Variants in CUX1 observed in about 807,000 individuals in gnomAD.
CUX1 encodes protein CASP.
Under a neutral mutation model 158.8 loss-of-function variants are expected in CUX1, and 31 were observed. The ratio of observed to expected loss-of-function variants is 0.20; its 90% CI spans 0.15 to 0.26. CUX1 has a LOEUF of 0.26. Ranked by LOEUF, CUX1 falls within the 10% of genes least tolerant of loss-of-function variation. CUX1 has a pLI of 1.00. For missense variants in CUX1, 1,589 were observed against 2,014.6 expected, an observed-to-expected ratio of 0.79 and a Z score of 4.04; for synonymous variants, 879 against 862.1, an observed-to-expected ratio of 1.02 and a Z score of -0.34.
At chr7:101,961,094 TG>T (rs1363631496) in intron 2 of CUX1, 2 of 151,896 alleles carry the variant, frequency 1.3e-5, no homozygotes, top group Non-Finnish European at 2.9e-5. Flanking sequence ...ATTTGGAGAG[TG>T]TAAGATACTA....
intron 2 of CUX1, among the ~76,000 whole-genome samples, chr7:101,989,931 CT>C (rs1249429945): frequency 1.3e-5 from 2 of 152,254 alleles, no homozygotes; most frequent in African/African-American, 4.8e-5. Flanking sequence ...GCAGGTGCAG[CT>C]TTTGCTGTGG....
In CUX1 at chr7:102,189,683, G is replaced by A. The variant is rs782421265; in HGVS notation, c.1018-130G>A. The A allele has an allele frequency of 1.7e-4, 163 of 948,154 alleles. No individual in the cohort carries two copies. The African/African-American group carries it at 1.9e-3, about 11-fold the overall frequency. 58.7% of individuals were successfully genotyped at this position (948,154 alleles called of 1,614,324 possible). On this transcript the variant is annotated intron_variant, in intron 11 of 23. Coordinates refer to ENST00000292535, the MANE Select transcript of CUX1 (RefSeq NM_181552.4). ...AGGGACAAAAGATGGCCCCAGCACC[G>A]TTGACTCCATTCGCAAGGGCTGGCT...
At chr7:102,151,727 CAAAAAAAAAAAAAAAAAA>C (rs1159017025) in intron 8 of CUX1, among the ~76,000 whole-genome samples, 1 of 38,876 alleles carries the variant, frequency 2.6e-5, no homozygotes, top group Non-Finnish European at 4.5e-5. Context: ...GACTCTGTCT[CAAAAAAAAAAAAAAAAAA>C]AAAAAAAAAA....
intron 2 of CUX1, among the ~76,000 whole-genome samples, chr7:102,009,450 A>T (rs1817745637): frequency 6.6e-6 from 1 of 152,360 alleles, no homozygotes; most frequent in Non-Finnish European, 1.5e-5. Flanking sequence ...TGCTCAGTCC[A>T]GACCAGGGAA....
chr7:102,014,868 A>G (rs913139574), intron 2 of CUX1, among the ~76,000 whole-genome samples: 5 of 151,852 alleles, frequency 3.3e-5, no homozygotes, highest in East Asian at 3.9e-4. Flanking sequence ...CAAAAAAAAA[A>G]AAAAAAGAAA....
chr7:101,866,306 A>C (rs1343860193), intron 1 of CUX1, among the ~76,000 whole-genome samples: 2 of 151,606 alleles, frequency 1.3e-5, no homozygotes, highest in African/African-American at 4.9e-5. Flanking sequence ...TACTTAAAAA[A>C]AAAACAAAAC....
intron 10 of CUX1, among the ~76,000 whole-genome samples, chr7:102,176,657 A>ACCT (rs1554512105): frequency 7.1e-6 from 1 of 141,828 alleles, no homozygotes; most frequent in Non-Finnish European, 1.5e-5. Context: ...TGCAGCCTCA[A>ACCT]CCTCCTCAAG....
intron 4 of CUX1, among the ~76,000 whole-genome samples, chr7:102,078,246 T>G (rs556314416): frequency 3.3e-5 from 5 of 152,242 alleles, no homozygotes; most frequent in Non-Finnish European, 7.4e-5. Context: ...TGGCTAATTT[T>G]TAAATTTTTT....
rs1169981101 is a variant in CUX1 at position 102,021,635 on chromosome 7, T to C, written c.142-6463T>C. ...TTCTCTTTTTTTTTTTTTTTTTTTT[T>C]TGGATGGAGTTTCCTGGGTTGAAGC... On this transcript the variant is annotated intron_variant, in intron 2 of 23. Transcript: ENST00000292535. Among the ~76,000 whole-genome samples the C allele has an allele frequency of 2.4e-5, 3 of 125,606 alleles. No homozygotes were observed. In the Admixed American group the frequency reaches 2.6e-4, roughly 11 times the overall value. The allele number at this position is 125,606 out of a possible 152,430, so 82.4% of individuals were successfully genotyped here.
chr7:102,250,969 T>C lies in CUX1; in HGVS notation c.*1927T>C. The C allele has an allele frequency of 1.0e-6, 1 of 959,692 alleles. No homozygotes were observed. The highest frequency in any genetic ancestry group is 1.2e-6 in the Non-Finnish European group (1 of 806,624). 59.4% of individuals were successfully genotyped at this position (959,692 alleles called of 1,614,324 possible). A position where few individuals can be genotyped will look rare whatever the true frequency, so the allele number is the denominator to read the frequency against. ...TAACAATAGATGATTTCGGTATATA[T>C]ATATATTTTTTTTTGCTTATTTATA... On this transcript the variant is annotated 3_prime_UTR_variant, in exon 24 of 24. Coordinates refer to ENST00000292535, the MANE Select transcript of CUX1 (RefSeq NM_181552.4).
intron 2 of CUX1, among the ~76,000 whole-genome samples, chr7:101,917,660 C>T (rs571438839): frequency 9.9e-5 from 15 of 152,200 alleles, no homozygotes; most frequent in Admixed American, 3.9e-4. Flanking sequence ...TCAGAGCAGA[C>T]TTTCCTGGAA....
intron 4 of CUX1, among the ~76,000 whole-genome samples, chr7:102,078,207 C>T (rs1826989365): frequency 6.6e-6 from 1 of 152,164 alleles, no homozygotes; most frequent in Non-Finnish European, 1.5e-5. Context: ...TCCTGAGTAG[C>T]AGGAACTACA....
intron 1 of CUX1, among the ~76,000 whole-genome samples, chr7:101,893,195 A>T (rs1801092109): frequency 9.5e-6 from 1 of 104,844 alleles, no homozygotes; most frequent in African/African-American, 3.6e-5. Flanking sequence ...TAAAATAGAG[A>T]TGAGGGCTTG....
At position 101,973,131 on chromosome 7, in the gene CUX1, C is replaced by T. The variant is rs144801577; in HGVS notation, c.142-54967C>T. ...ATCCACGGTATCCTTGCCCAGGTACCGGTATCCATCAGAGCGTGATTGGGG... is the reference window on the plus strand; with the variant it reads ...ATCCACGGTATCCTTGCCCAGGTACTGGTATCCATCAGAGCGTGATTGGGG... On this transcript the variant is annotated intron_variant, in intron 2 of 23. Transcript: ENST00000292535. 3.8e-3 allele frequency among the ~76,000 whole-genome samples: 576 copies of T among 152,216 alleles called. 3 individuals carry two copies. Among genetic ancestry groups the T allele is most frequent in the Middle Eastern group, 0.01 (3 of 294 alleles).
chr7:101,878,327 C>T (rs1799368173), intron 1 of CUX1, among the ~76,000 whole-genome samples: 1 of 152,130 alleles, frequency 6.6e-6, no homozygotes, highest in Non-Finnish European at 1.5e-5. Flanking sequence ...GTGAGTGTGC[C>T]TAGGAGAGGG....
At chr7:102,135,604 A>C (rs782133968) in intron 8 of CUX1, among the ~76,000 whole-genome samples, 11 of 151,978 alleles carry the variant, frequency 7.2e-5, no homozygotes, top group South Asian at 2.1e-4. Context: ...CACACACACA[A>C]AAAATAATAT....
chr7:102,221,406 C>T (rs1279416820), intron 20 of CUX1, among the ~76,000 whole-genome samples: 2 of 152,076 alleles, frequency 1.3e-5, no homozygotes, highest in Non-Finnish European at 2.9e-5. Flanking sequence ...TAATAAGAAA[C>T]GACTTTATCC....
rs1554506048 is a variant in CUX1 at position 102,158,594 on chromosome 7, G to C, written c.709G>C (p.Glu237Gln). ...DEIEMIMTDL[E>Q]RANQRAEVAQ... ...GATTGAAATGATCATGACGGACCTTGAAAGGGCAAACCAGGTAGGACCCTG... is the reference window on the plus strand; with the variant it reads ...GATTGAAATGATCATGACGGACCTTCAAAGGGCAAACCAGGTAGGACCCTG... The change falls in exon 9 of 24, where the codon GAA (glutamate) becomes CAA (glutamine). Residue 237 changes from glutamate (E) to glutamine (Q), a missense_variant. Coordinates refer to ENST00000292535, the MANE Select transcript of CUX1 (RefSeq NM_181552.4). 1.2e-6 allele frequency: 2 copies of C among 1,613,898 alleles called. No homozygotes were observed. Among genetic ancestry groups the C allele is most frequent in the Non-Finnish European group, 1.7e-6 (2 of 1,179,974 alleles).
intron 2 of CUX1, among the ~76,000 whole-genome samples, chr7:101,985,704 GT>G (rs1188394819): frequency 1.1e-4 from 16 of 152,192 alleles, no homozygotes; most frequent in African/African-American, 3.9e-4. Context: ...CCACCACCCT[GT>G]TTTGAGGATT....
Sources: allele counts gnomAD v4.1 joint callset (sites outside exome capture counted in the v4.1 genomes callset), GRCh38; gene constraint gnomAD v4.1.1; transcripts MANE v1.5; gene names NCBI Gene and HGNC (gene_info 2026-07-23, HGNC 2026-07-21).